The following NARS2 variants were observed in gnomAD, a reference collection of about 807,000 sequenced individuals.
NARS2 encodes asparaginyl-tRNA synthetase 2, mitochondrial, also known as asparaginyl-tRNA synthetase.
Under a neutral mutation model 62.9 loss-of-function variants are expected in NARS2, and 60 were observed. The ratio of observed to expected loss-of-function variants is 0.95; its 90% CI spans 0.77 to 1.18. The LOEUF is 1.18. Ranked by LOEUF, NARS2 falls within the 50% of genes most tolerant of loss-of-function variation. NARS2 has a pLI of 0.00. For missense variants in NARS2, 619 were observed against 576.4 expected, an observed-to-expected ratio of 1.07 and a Z score of -0.76; for synonymous variants, 196 against 200.0, an observed-to-expected ratio of 0.98 and a Z score of 0.17.
At chr11:78,566,671 G>C (rs1039442600) in intron 3 of NARS2, among the ~76,000 whole-genome samples, 50 of 152,144 alleles carry the variant, frequency 3.3e-4, no homozygotes, top group African/African-American at 1.1e-3. Context: ...CACAAGGCTG[G>C]TGTTCAATTT....
chr11:78,441,793 A>G (rs1857584525), intron 12 of NARS2, among the ~76,000 whole-genome samples: 1 of 152,166 alleles, frequency 6.6e-6, no homozygotes, highest in Non-Finnish European at 1.5e-5. Flanking sequence ...ACACAGAGAT[A>G]TAACTTTCAT....
chr11:78,530,497 A>C (rs755632228), intron 5 of NARS2, among the ~76,000 whole-genome samples: 22 of 152,282 alleles, frequency 1.4e-4, no homozygotes, highest in Non-Finnish European at 2.9e-4. Context: ...TTTTTGAGAC[A>C]GAGTCTCACA....
intron 10 of NARS2, 30 bp from the exon 11 acceptor site, chr11:78,466,043 G>C (rs372895160): frequency 1.3e-6 from 2 of 1,553,990 alleles, no homozygotes; most frequent in South Asian, 2.5e-5. Context: ...ATGACCAAAA[G>C]AGGAGACAGA....
chr11:78,554,508 C>CGTGTGTGTGTGTGTGT (rs71046981), intron 5 of NARS2, among the ~76,000 whole-genome samples: 26,125 of 146,830 alleles, frequency 0.18, 2,418 homozygotes, highest in East Asian at 0.27. Flanking sequence ...GGCGTGTGTG[C>CGTGTGTGTGTGTGTGT]GTGTGTGTGT....
intron 11 of NARS2, among the ~76,000 whole-genome samples, chr11:78,464,766 C>A (rs1858545823): frequency 6.6e-6 from 1 of 152,240 alleles, no homozygotes; most frequent in Non-Finnish European, 1.5e-5. Flanking sequence ...TTCACAAACC[C>A]TGAGCTAGAC....
intron 6 of NARS2, among the ~76,000 whole-genome samples, chr11:78,505,236 A>G (rs1860441781): frequency 6.6e-6 from 1 of 150,920 alleles, no homozygotes; most frequent in African/African-American, 2.4e-5. Context: ...CCTGGGCAAC[A>G]TAATGAAACC....
At chr11:78,489,157 A>G (rs1859708032) in intron 7 of NARS2, among the ~76,000 whole-genome samples, 1 of 152,208 alleles carries the variant, frequency 6.6e-6, no homozygotes, top group Non-Finnish European at 1.5e-5. Flanking sequence ...TGAAAAGTCA[A>G]GCTACTTATT....
intron 5 of NARS2, among the ~76,000 whole-genome samples, chr11:78,532,392 T>C (rs1413367534): frequency 6.6e-6 from 1 of 152,116 alleles, no homozygotes; most frequent in Non-Finnish European, 1.5e-5. Context: ...AAGTGATTAA[T>C]GGACAGAATA....
At position 78,436,401 on chromosome 11, in the gene NARS2, T is replaced by C; in HGVS notation, c.*269A>G. On this transcript the variant is annotated 3_prime_UTR_variant, in exon 14 of 14. Transcript: ENST00000281038. The stretch of plus-strand genomic sequence containing the variant: ...AGTTTAAAAGAAACTTTGAGACTAA[T>C]TCAATTTCTTCATTTCTTAATTGAG... 2.9e-6 allele frequency: 1 copy of C among 345,354 alleles called. No homozygotes were observed. Among genetic ancestry groups the C allele is most frequent in the South Asian group, 5.1e-5 (1 of 19,710 alleles). 21.4% of individuals were successfully genotyped at this position (345,354 alleles called of 1,614,324 possible). A position where few individuals can be genotyped will look rare whatever the true frequency, so the allele number is the denominator to read the frequency against.
chr11:78,549,262 T>G (rs1030983858), intron 5 of NARS2, among the ~76,000 whole-genome samples: 1 of 152,194 alleles, frequency 6.6e-6, no homozygotes, highest in Non-Finnish European at 1.5e-5. Context: ...GGCTGCTGCC[T>G]CTTGCTCCAC....
chr11:78,485,415 ACT>A (rs1238983806), intron 7 of NARS2, among the ~76,000 whole-genome samples: 4 of 152,192 alleles, frequency 2.6e-5, no homozygotes, highest in East Asian at 1.9e-4. Context: ...AACAAAAAAA[ACT>A]CTGGTCAGAA....
chr11:78,511,578 G>A (rs1401155171), intron 6 of NARS2, among the ~76,000 whole-genome samples: 6 of 152,096 alleles, frequency 3.9e-5, no homozygotes, highest in African/African-American at 7.2e-5. Flanking sequence ...TTAGCCGGGC[G>A]TGGTGGCAGG....
At chr11:78,485,420 G>A (rs958510808) in intron 7 of NARS2, among the ~76,000 whole-genome samples, 1 of 151,814 alleles carries the variant, frequency 6.6e-6, no homozygotes, top group African/African-American at 2.4e-5. Context: ...AAAAAACTCT[G>A]GTCAGAATAC....
rs941120835 is a variant in NARS2 at position 78,554,241 on chromosome 11, C to T, written c.594+5298G>A. 1.5e-4 allele frequency among the ~76,000 whole-genome samples: 23 copies of T among 152,202 alleles called. 1 individual carries two copies. The highest frequency in any genetic ancestry group is 3.4e-3 in the Middle Eastern group (1 of 294). On this transcript the variant is annotated intron_variant, in intron 5 of 13. Coordinates refer to ENST00000281038, the MANE Select transcript of NARS2 (RefSeq NM_024678.6). ...CTCTTGGCTATCTGGGCTATCTTGG[C>T]TATCTGGGCTCTGTTCCATATAAAT...
chr11:78,521,410 T>A (rs924678903), intron 6 of NARS2, among the ~76,000 whole-genome samples: 1 of 152,056 alleles, frequency 6.6e-6, no homozygotes, highest in Non-Finnish European at 1.5e-5. Flanking sequence ...TGGCTTCAAG[T>A]GATCCTCCTG....
chr11:78,495,140 T>C (rs575657802), intron 6 of NARS2, among the ~76,000 whole-genome samples: 57 of 152,304 alleles, frequency 3.7e-4, no homozygotes, highest in African/African-American at 1.3e-3. Context: ...ATGTCAGCCC[T>C]AATTTTAAAA....
At chr11:78,455,885 G>C (rs1858144190) in intron 11 of NARS2, among the ~76,000 whole-genome samples, 1 of 151,412 alleles carries the variant, frequency 6.6e-6, no homozygotes, top group Admixed American at 6.6e-5. Flanking sequence ...GCACATACTC[G>C]ATAAACATTA....
At chr11:78,498,019 T>A (rs1198143751) in intron 6 of NARS2, among the ~76,000 whole-genome samples, 1 of 152,118 alleles carries the variant, frequency 6.6e-6, no homozygotes, top group Non-Finnish European at 1.5e-5. Context: ...CTGACAACAA[T>A]CCTGCTAAAG....
intron 11 of NARS2, among the ~76,000 whole-genome samples, chr11:78,464,742 T>G (rs1207413555): frequency 1.3e-5 from 2 of 152,110 alleles, no homozygotes; most frequent in Middle Eastern, 3.4e-3. Context: ...AGAAACAGAG[T>G]GTCCACTGGT....
Sources: gnomAD v4.1 joint callset for allele counts (sites outside exome capture counted in the v4.1 genomes callset) on GRCh38, gnomAD v4.1.1 for gene constraint, MANE v1.5 for transcripts, NCBI Gene and HGNC (gene_info 2026-07-23, HGNC 2026-07-21) for gene names.